Variants in SSH2 observed in about 807,000 individuals in gnomAD.
SSH2 encodes protein phosphatase Slingshot homolog 2.
Under a neutral mutation model 135.2 loss-of-function variants are expected in SSH2, and 37 were observed. That is an observed-to-expected ratio of 0.27 (90% CI 0.21 to 0.36). SSH2 has a LOEUF of 0.36. SSH2 is among the 10% of genes least tolerant of loss of function. The probability of loss-of-function intolerance (pLI) is 1.00; values close to 1 mark genes in which losing one functional copy is unlikely to be tolerated. For missense variants in SSH2, 1,408 were observed against 1,765.3 expected, an observed-to-expected ratio of 0.80 and a Z score of 3.63; for synonymous variants, 628 against 646.2, an observed-to-expected ratio of 0.97 and a Z score of 0.43.
chr17:29,690,530 C>A (rs758138610), intron 5 of SSH2, among the ~76,000 whole-genome samples: 3 of 151,798 alleles, frequency 2.0e-5, no homozygotes, highest in Non-Finnish European at 4.4e-5. Context: ...ATTATAAAGG[C>A]CCAATGTCTA....
intron 4 of SSH2, among the ~76,000 whole-genome samples, chr17:29,698,787 G>A (rs1189446924): frequency 6.6e-6 from 1 of 152,132 alleles, no homozygotes; most frequent in Non-Finnish European, 1.5e-5. Flanking sequence ...ACAGACCACT[G>A]CACCAGGGCT....
At chr17:29,646,861 T>C (rs1231185959) in intron 14 of SSH2, among the ~76,000 whole-genome samples, 1 of 152,132 alleles carries the variant, frequency 6.6e-6, no homozygotes. Flanking sequence ...AAAGGAGTTA[T>C]ACACATCCGT....
At position 29,650,707 on chromosome 17, in the gene SSH2, T is replaced by G; in HGVS notation, c.1173A>C (p.Ala391=). 1 of 1,614,030 alleles carries G rather than the reference T, an allele frequency of 6.2e-7. No individual in the cohort carries two copies. The change falls in exon 13 of 16, where the codon GCA becomes GCC. Residue 391 remains alanine (A), a synonymous_variant. Coordinates refer to ENST00000540801, the MANE Select transcript of SSH2 (RefSeq NM_001282129.2). ...YHNIRVYDEE[A]TDLLAYWNDT... ...CATTCCAGTACGCCAGGAGATCCGT[T>G]GCCTCTTCATCATATACCCGAATGT...
At chr17:29,820,160 C>A (rs1321660243) in intron 2 of SSH2, among the ~76,000 whole-genome samples, 6 of 152,100 alleles carry the variant, frequency 3.9e-5, no homozygotes, top group Admixed American at 1.3e-4. Flanking sequence ...AGGCACGGTT[C>A]TTGTCCTTGT....
At chr17:29,843,306 G>T (rs1030757535) in intron 2 of SSH2, among the ~76,000 whole-genome samples, 4 of 152,090 alleles carry the variant, frequency 2.6e-5, no homozygotes. Context: ...AGGCTGAGGT[G>T]GGCAGATCAC....
intron 12 of SSH2, among the ~76,000 whole-genome samples, chr17:29,654,879 G>T (rs150382471): frequency 6.6e-6 from 1 of 152,032 alleles, no homozygotes; most frequent in South Asian, 2.1e-4. Context: ...ATTTATCTGT[G>T]GATCCCCAGC....
intron 14 of SSH2, 111 bp downstream of exon 14, chr17:29,648,033 T>A (rs2036447033): frequency 3.7e-6 from 4 of 1,069,098 alleles, no homozygotes; most frequent in Non-Finnish European, 5.6e-6. Context: ...AAGTCTTTTT[T>A]GAAAAAATAT....
chr17:29,663,350 T>C (rs1197034388), intron 11 of SSH2, among the ~76,000 whole-genome samples: 1 of 152,212 alleles, frequency 6.6e-6, no homozygotes. Context: ...CACTTGCAGC[T>C]AGAATGCCTC....
intron 8 of SSH2, chr17:29,676,341 CAGG>C (rs2037716170): frequency 6.5e-6 from 1 of 154,274 alleles, no homozygotes; most frequent in Admixed American, 6.5e-5. Context: ...GAGGCTGACG[CAGG>C]AGAATCGCCT....
intron 3 of SSH2, among the ~76,000 whole-genome samples, chr17:29,743,986 G>A (rs1242813385): frequency 6.8e-6 from 1 of 146,188 alleles, no homozygotes; most frequent in Non-Finnish European, 1.5e-5. Context: ...AAGCCACTGT[G>A]GAGAATCCTA....
At position 29,644,278 on chromosome 17, in the gene SSH2, C is replaced by A. The variant is rs923343561; in HGVS notation, c.1427+3866G>T. On this transcript the variant is annotated intron_variant, in intron 14 of 15. Coordinates refer to ENST00000540801, the MANE Select transcript of SSH2 (RefSeq NM_001282129.2). ...GAGACTGGAGGAAAGAGAGTGAGGG[C>A]AAGGTATTTACTCCCCTAGCTCCCT... Among the ~76,000 whole-genome samples the A allele has an allele frequency of 2.6e-5, 4 of 152,246 alleles. No individual in the cohort carries two copies. In the East Asian group the frequency reaches 7.7e-4, roughly 29 times the overall value.
chr17:29,809,826 G>A (rs534319313), intron 2 of SSH2, among the ~76,000 whole-genome samples: 1 of 152,122 alleles, frequency 6.6e-6, no homozygotes, highest in Admixed American at 6.5e-5. Context: ...CCAAAGTGCT[G>A]GGATTACAGG....
At chr17:29,822,663 A>G (rs1180603095) in intron 2 of SSH2, among the ~76,000 whole-genome samples, 1 of 152,144 alleles carries the variant, frequency 6.6e-6, no homozygotes, top group East Asian at 1.9e-4. Context: ...CATCCAGCTG[A>G]GCCAGGGACT....
At chr17:29,861,045 C>T (rs1047923634) in intron 1 of SSH2, among the ~76,000 whole-genome samples, 1 of 152,072 alleles carries the variant, frequency 6.6e-6, no homozygotes, top group Admixed American at 6.6e-5. Flanking sequence ...GTGTCCAGCC[C>T]TTTGGCCCAC....
chr17:29,738,274 T>C (rs990745280), intron 3 of SSH2, among the ~76,000 whole-genome samples: 1 of 30,008 alleles, frequency 3.3e-5, no homozygotes, highest in East Asian at 3.7e-4. Context: ...TTTTTATGGC[T>C]GCATAGTATT....
intron 12 of SSH2, among the ~76,000 whole-genome samples, chr17:29,653,062 C>T (rs2036641517): frequency 6.6e-6 from 1 of 152,202 alleles, no homozygotes; most frequent in South Asian, 2.1e-4. Flanking sequence ...GCTTCCCAAT[C>T]CTTTTCATTA....
intron 3 of SSH2, among the ~76,000 whole-genome samples, chr17:29,764,247 G>A (rs375212359): frequency 3.3e-5 from 5 of 152,204 alleles, no homozygotes; most frequent in East Asian, 3.9e-4. Flanking sequence ...CACTGCACCC[G>A]GCCTGTCTCT....
Position 29,703,006 on chromosome 17 carries a change from T to C in SSH2, c.245A>G (p.Asn82Ser). The C allele has an allele frequency of 6.2e-7, 1 of 1,613,982 alleles. No homozygotes were observed. The highest frequency in any genetic ancestry group is 8.5e-7 in the Non-Finnish European group (1 of 1,179,890). The change falls in exon 4 of 16, where the codon AAT becomes AGT. Residue 82 changes from asparagine to serine, a missense_variant. This residue lies in a region of SSH2 where 222 missense variants were observed against 355.6 expected (regional missense o/e 0.62). Transcript: ENST00000540801. Reference protein sequence around the residue: ...KGAALFLPRGNGSSTPRISHR... With the variant: ...KGAALFLPRGSGSSTPRISHR... ...GCTGATTCTTGGTGTGGATGAGCCA[T>C]TTCCCCGTGGTAGAAAAAGGGCAGC...
chr17:29,700,151 A>G (rs2038918466), intron 4 of SSH2, among the ~76,000 whole-genome samples: 1 of 152,186 alleles, frequency 6.6e-6, no homozygotes, highest in East Asian at 1.9e-4. Flanking sequence ...TCTGACCTAA[A>G]CACTTAAGGT....
Sources: allele counts gnomAD v4.1 joint callset (sites outside exome capture counted in the v4.1 genomes callset), GRCh38; gene constraint gnomAD v4.1.1; regional missense constraint gnomAD v4.1.1; transcripts MANE v1.5; gene names NCBI Gene and HGNC (gene_info 2026-07-23, HGNC 2026-07-21).